The following DDX25 variants were observed in gnomAD, a reference collection of about 807,000 sequenced individuals.
DDX25 encodes the protein DEAD-box helicase 25, also known as ATP-dependent RNA helicase DDX25.
A neutral mutation model predicts 64.6 loss-of-function variants in DDX25; 70 were observed. That is an observed-to-expected ratio of 1.08 (90% CI 0.89 to 1.32). DDX25 has a LOEUF of 1.32. DDX25 is among the 40% of genes most tolerant of loss of function. The pLI, the probability that DDX25 is intolerant of heterozygous loss-of-function variation, is 0.00. For missense variants in DDX25, 587 were observed against 604.4 expected, an observed-to-expected ratio of 0.97 and a Z score of 0.30; for synonymous variants, 211 against 213.3, an observed-to-expected ratio of 0.99 and a Z score of 0.09.
chr11:125,917,359 G>A, intron 9 of DDX25, 108 bp downstream of exon 9: 3 of 993,126 alleles, frequency 3.0e-6, no homozygotes, highest in Non-Finnish European at 4.4e-6. Flanking sequence ...CACTTCTTGT[G>A]TGTCTCCAGT....
At chr11:125,905,344 C>G in intron 2 of DDX25, 66 bp downstream of exon 2, 2 of 1,516,574 alleles carry the variant, frequency 1.3e-6, no homozygotes, top group Non-Finnish European at 1.8e-6. Flanking sequence ...GCTTTCATCA[C>G]GTCCCTGCCA....
At chr11:125,904,500 G>T, upstream of DDX25, 1 of 1,480,144 alleles carries the variant, frequency 6.8e-7, no homozygotes. Flanking sequence ...GCTGGGGGCG[G>T]GAGCAGCAAT....
rs12285354 is a variant in DDX25, at chr11:125,908,324, T to C, written c.404+36T>C. The C allele has an allele frequency of 4.7e-3, 7,538 of 1,612,882 alleles. 214 individuals are homozygous for C. The African/African-American group carries it at 0.069, about 15-fold the overall frequency. On this transcript the variant is annotated intron_variant, in intron 5 of 11. Coordinates refer to ENST00000263576, the MANE Select transcript of DDX25 (RefSeq NM_013264.5). ...AGGGTAGTGGTATTCTACTTGGTTA[T>C]GTTTAGTTTCTTATTTTCAGTTTAT...
At position 125,921,282 on chromosome 11, in the gene DDX25, C is replaced by T. The variant is rs766899213; in HGVS notation, c.1293C>T (p.Arg431=). Residue 431 remains arginine (R), a synonymous_variant, in exon 11 of 12, where the codon CGC becomes CGT. Transcript: ENST00000263576. This position sits in a 1 kb window ranked among gnomAD's most constrained non-coding sequence, Gnocchi z 4.1. ...CGGACTATGAGACCTACCTCCACCGCATAGGGCGGACGGGGCGCTTTGGGA... is the reference window on the plus strand; with the variant it reads ...CGGACTATGAGACCTACCTCCACCGTATAGGGCGGACGGGGCGCTTTGGGA... ...EEPDYETYLH[R]IGRTGRFGKK... 7 of 1,613,634 alleles carry T rather than the reference C, an allele frequency of 4.3e-6. No homozygotes were observed. In the East Asian group the frequency reaches 1.6e-4, roughly 36 times the overall value.
At chr11:125,919,881 G>C (rs76912246) in intron 10 of DDX25, among the ~76,000 whole-genome samples, 2 of 152,206 alleles carry the variant, frequency 1.3e-5, no homozygotes, top group African/African-American at 2.4e-5. Context: ...CAGCTCCTGA[G>C]CACTTGAAAT....
At chr11:125,918,549 C>T (rs1945069176) in intron 9 of DDX25, 79 bp from the exon 10 acceptor site, 3 of 1,528,658 alleles carry the variant, frequency 2.0e-6, no homozygotes, top group Non-Finnish European at 2.7e-6. Flanking sequence ...CCCCGCCCTG[C>T]ATGCATGGTG....
At chr11:125,906,011 G>T in intron 3 of DDX25, 63 bp from the exon 4 acceptor site, 1 of 1,488,670 alleles carries the variant, frequency 6.7e-7, no homozygotes, top group South Asian at 1.4e-5. Context: ...GAAAGAGAAA[G>T]AGCAACTTAT....
upstream of DDX25, chr11:125,904,306 C>G: frequency 2.6e-6 from 1 of 384,136 alleles, no homozygotes; most frequent in Non-Finnish European, 4.6e-6. Context: ...CTGCCCTCCG[C>G]CCCGCTCTCT....
At chr11:125,920,446 AAAG>A (rs1002013009) in intron 10 of DDX25, among the ~76,000 whole-genome samples, 1 of 152,166 alleles carries the variant, frequency 6.6e-6, no homozygotes, top group African/African-American at 2.4e-5. Flanking sequence ...CAAAAAAAAA[AAAG>A]AAAAAAGTTT....
rs1945165617 is a variant in DDX25 at position 125,926,162 on chromosome 11, A to C, written c.*3281A>C. ...AGTCCAGCTGTTGGGATGGGCCTGCACTTTGCTCTCTGAACCGGGGGGCAT... is the reference window on the plus strand; with the variant it reads ...AGTCCAGCTGTTGGGATGGGCCTGCCCTTTGCTCTCTGAACCGGGGGGCAT... On this transcript the variant is annotated 3_prime_UTR_variant, in exon 12 of 12. Coordinates refer to ENST00000263576, the MANE Select transcript of DDX25 (RefSeq NM_013264.5). 6.6e-6 allele frequency: 1 copy of C among 152,374 alleles called. No homozygotes were observed. The highest frequency in any genetic ancestry group is 6.5e-5 in the Admixed American group (1 of 15,278). 9.4% of individuals were successfully genotyped at this position (152,374 alleles called of 1,614,324 possible).
chr11:125,912,454 C>T (rs1944979111), intron 8 of DDX25, among the ~76,000 whole-genome samples: 2 of 152,194 alleles, frequency 1.3e-5, no homozygotes, highest in Non-Finnish European at 2.9e-5. Context: ...TTCCAGGACC[C>T]CTTGCACGTG....
At chr11:125,922,724 T>G in intron 11 of DDX25, 96 bp from the exon 12 acceptor site, 1 of 1,171,190 alleles carries the variant, frequency 8.5e-7, no homozygotes. Flanking sequence ...CCAAGGCTTT[T>G]TATACGAGGT....
Position 125,926,301 on chromosome 11 carries a change from A to C in DDX25, c.*3420A>C, listed in dbSNP as rs981664030. The C allele has an allele frequency of 6.6e-6, 1 of 152,290 alleles. No homozygotes were observed. Among genetic ancestry groups the C allele is most frequent in the African/African-American group, 2.4e-5 (1 of 41,462 alleles). 9.4% of individuals were successfully genotyped at this position (152,290 alleles called of 1,614,324 possible). The stretch of plus-strand genomic sequence containing the variant: ...TGCTTTTCCCAAGGGAGTAACAGAA[A>C]GGTCAGATCCTCTTCAATCCTAACC... On this transcript the variant is annotated 3_prime_UTR_variant, in exon 12 of 12. Transcript: ENST00000263576.
intron 9 of DDX25, 149 bp from the exon 10 acceptor site, chr11:125,918,479 T>C: frequency 9.8e-7 from 1 of 1,023,486 alleles, no homozygotes. Context: ...CTGCCACATT[T>C]TAAGGCCCTG....
At chr11:125,913,115 G>A (rs968827409) in intron 8 of DDX25, among the ~76,000 whole-genome samples, 5 of 144,672 alleles carry the variant, frequency 3.5e-5, no homozygotes, top group Non-Finnish European at 7.4e-5. Flanking sequence ...CCGAGATCAC[G>A]CCACTGCACT....
At chr11:125,910,143 G>A (rs1944947527) in intron 6 of DDX25, among the ~76,000 whole-genome samples, 1 of 152,016 alleles carries the variant, frequency 6.6e-6, no homozygotes, top group Non-Finnish European at 1.5e-5. Context: ...ATATGTAAAA[G>A]GTAGCTGTTT....
chr11:125,921,224 A>C lies in DDX25; in HGVS notation c.1235A>C (p.Asn412Thr). The C allele has an allele frequency of 6.2e-7, 1 of 1,612,464 alleles. No homozygotes were observed. Among genetic ancestry groups the C allele is most frequent in the African/African-American group, 1.3e-5 (1 of 75,028 alleles). Residue 412 changes from asparagine (N) to threonine (T), a missense_variant, in exon 11 of 12, where the codon AAC (asparagine) becomes ACC (threonine). Transcript: ENST00000263576. This position sits in a 1 kb window ranked among gnomAD's most constrained non-coding sequence, Gnocchi z 4.1. The stretch of plus-strand genomic sequence containing the variant: ...GTGAAGCAGGTCACAATTGTTGTGA[A>C]CTTTGATCTCCCTGTAAAACAAGGA... ...IDVKQVTIVV[N>T]FDLPVKQGEE...
chr11:125,917,702 C>G (rs1452994543), intron 9 of DDX25, among the ~76,000 whole-genome samples: 1 of 152,158 alleles, frequency 6.6e-6, no homozygotes, highest in Non-Finnish European at 1.5e-5. Flanking sequence ...CTCTCTCATT[C>G]ACTCCCATAT....
chr11:125,906,231 A>C, intron 4 of DDX25, 22 bp downstream of exon 4: 1 of 1,522,832 alleles, frequency 6.6e-7, no homozygotes, highest in African/African-American at 1.4e-5. Context: ...TACTCTTTTA[A>C]TATGGGAAAA....
Sources: allele counts gnomAD v4.1 joint callset (sites outside exome capture counted in the v4.1 genomes callset), GRCh38; gene constraint gnomAD v4.1.1; non-coding constraint Gnocchi (gnomAD v3.1); transcripts MANE v1.5; gene names NCBI Gene and HGNC (gene_info 2026-07-23, HGNC 2026-07-21).